Variants in HNF4A observed in about 807,000 individuals in gnomAD.
The protein encoded by HNF4A is hepatocyte nuclear factor 4-alpha.
HNF4A carries 15 observed loss-of-function variants against 52.4 expected under a neutral mutation model. The ratio of observed to expected loss-of-function variants is 0.29; its 90% confidence interval spans 0.19 to 0.44. The LOEUF (loss-of-function observed/expected upper bound fraction) is 0.44, where lower values mean the gene tolerates loss of function less well. Among genes scored for constraint, HNF4A ranks in the 20% least tolerant of loss-of-function variants. The pLI, the probability that HNF4A is intolerant of heterozygous loss-of-function variation, is 1.00. For missense variants in HNF4A, 479 were observed against 647.2 expected, an observed-to-expected ratio of 0.74 and a Z score of 2.82; for synonymous variants, 280 against 264.4, an observed-to-expected ratio of 1.06 and a Z score of -0.57.
At chr20:44,403,360 A>G (rs1351479747) in intron 1 of HNF4A, among the ~76,000 whole-genome samples, 1 of 152,136 alleles carries the variant, frequency 6.6e-6, no homozygotes, top group Non-Finnish European at 1.5e-5. Flanking sequence ...GGAATAAATA[A>G]TAGTGTCTGT....
upstream of HNF4A, among the ~76,000 whole-genome samples, chr20:44,397,056 T>A (rs1264505845): frequency 1.3e-5 from 2 of 152,196 alleles, no homozygotes; most frequent in East Asian, 3.8e-4. Flanking sequence ...CAGCTGGCCC[T>A]GGGCTTGGAA....
chr20:44,418,109 G>GA (rs886279873), intron 5 of HNF4A, among the ~76,000 whole-genome samples: 36 of 151,044 alleles, frequency 2.4e-4, no homozygotes, highest in African/African-American at 7.5e-4. Context: ...TCTCAAAAAA[G>GA]AAAAAAAAAG....
upstream of HNF4A, among the ~76,000 whole-genome samples, chr20:44,398,031 A>C (rs2063369109): frequency 6.6e-6 from 1 of 152,142 alleles, no homozygotes; most frequent in Admixed American, 6.5e-5. Flanking sequence ...ACATTGTATT[A>C]AATCTGATTT....
intron 7 of HNF4A, among the ~76,000 whole-genome samples, chr20:44,423,681 G>C (rs1233917731): frequency 6.6e-6 from 1 of 152,214 alleles, no homozygotes; most frequent in Admixed American, 6.5e-5. Flanking sequence ...CCCAGGACAA[G>C]TCCTATCTTT....
At chr20:44,410,266 G>C (rs1029321208) in intron 3 of HNF4A, among the ~76,000 whole-genome samples, 1 of 152,222 alleles carries the variant, frequency 6.6e-6, no homozygotes, top group Admixed American at 6.5e-5. Flanking sequence ...CCAGGGAAAC[G>C]GACATGCTGC....
Sources: gnomAD v4.1 joint callset for allele counts (sites outside exome capture counted in the v4.1 genomes callset) on GRCh38, gnomAD v4.1.1 for gene constraint, MANE v1.5 for transcripts, NCBI Gene and HGNC (gene_info 2026-07-23, HGNC 2026-07-21) for gene names.